FSTL5: variants seen among roughly 807,000 people sequenced by gnomAD.
The protein encoded by FSTL5 is follistatin like 5, also known as follistatin-related protein 5.
Under a neutral mutation model 89.1 loss-of-function variants are expected in FSTL5, and 62 were observed. The observed-to-expected ratio is 0.70, with a 90% CI of 0.57 to 0.86. FSTL5 has a LOEUF of 0.86. Among genes scored for constraint, FSTL5 ranks in the 40% least tolerant of loss-of-function variants. The probability of loss-of-function intolerance (pLI) is 0.00; values close to 1 mark genes in which losing one functional copy is unlikely to be tolerated. For missense variants in FSTL5, 1,057 were observed against 1,001.6 expected (o/e 1.06, Z -0.75); for synonymous variants, 383 against 346.2 (o/e 1.11, Z -1.18).
At chr4:161,744,610 A>G (rs1471473010) in intron 6 of FSTL5, among the ~76,000 whole-genome samples, 1 of 152,112 alleles carries the variant, frequency 6.6e-6, no homozygotes, top group African/African-American at 2.4e-5. Flanking sequence ...CTAACTAGCT[A>G]AAGTCTCTAA....
chr4:161,401,750 A>G (rs769399934), intron 15 of FSTL5, among the ~76,000 whole-genome samples: 4 of 151,984 alleles, frequency 2.6e-5, no homozygotes, highest in Non-Finnish European at 2.9e-5. Flanking sequence ...GATGGTCTCC[A>G]TCTCCTGACC....
intron 15 of FSTL5, among the ~76,000 whole-genome samples, chr4:161,448,713 G>A (rs1286124178): frequency 6.6e-6 from 1 of 152,036 alleles, no homozygotes; most frequent in African/African-American, 2.4e-5. Flanking sequence ...GGCTATGCAG[G>A]GATTACTGCT....
At chr4:161,763,852 T>A (rs1411274293) in intron 5 of FSTL5, among the ~76,000 whole-genome samples, 2 of 152,114 alleles carry the variant, frequency 1.3e-5, no homozygotes, top group African/African-American at 4.8e-5. Flanking sequence ...GTGAGAAGAA[T>A]GTACATTTCC....
intron 2 of FSTL5, among the ~76,000 whole-genome samples, chr4:162,036,657 TA>T (rs1018681247): frequency 2.0e-5 from 3 of 151,902 alleles, no homozygotes; most frequent in Non-Finnish European, 4.4e-5. Context: ...GATGGAAGCA[TA>T]AAAAAATTAC....
Position 161,656,410 on chromosome 4 carries a change from G to A in FSTL5, c.812C>T (p.Ala271Val), listed in dbSNP as rs2126682318. The change falls in exon 7 of 16, where the codon GCC (alanine) becomes GTC (valine). Residue 271 changes from alanine to valine, a missense_variant. Transcript: ENST00000306100. ...GGGAGGTCTCAGGGTTCCTTGAATG[G>A]CACAGCTCAGAACAGCACTTTGTCC... ...TVGQSAVLSC[A>V]IQGTLRPPII... 6.2e-7 allele frequency: 1 copy of A among 1,610,380 alleles called. No individual in the cohort carries two copies. The highest frequency in any genetic ancestry group is 1.3e-5 in the African/African-American group (1 of 74,866).
At chr4:162,075,199 C>G (rs1729788433) in intron 2 of FSTL5, among the ~76,000 whole-genome samples, 1 of 151,784 alleles carries the variant, frequency 6.6e-6, no homozygotes, top group Non-Finnish European at 1.5e-5. Flanking sequence ...TCTCAACCTC[C>G]TGATTTCTCA....
At chr4:161,615,442 C>G (rs897940622) in intron 7 of FSTL5, among the ~76,000 whole-genome samples, 1 of 112,732 alleles carries the variant, frequency 8.9e-6, no homozygotes, top group Non-Finnish European at 1.8e-5. Flanking sequence ...GAGACTCCAT[C>G]TCAAAAAAAA....
intron 7 of FSTL5, among the ~76,000 whole-genome samples, chr4:161,642,940 A>T (rs1390809383): frequency 6.6e-6 from 1 of 152,188 alleles, no homozygotes; most frequent in African/African-American, 2.4e-5. Flanking sequence ...AAAATGATGA[A>T]GTGGTAAATT....
At chr4:161,624,706 A>G (rs971480749) in intron 7 of FSTL5, among the ~76,000 whole-genome samples, 1 of 152,108 alleles carries the variant, frequency 6.6e-6, no homozygotes, top group African/African-American at 2.4e-5. Context: ...CCACTCTGCA[A>G]TAAGTTAAGC....
At chr4:162,099,454 T>G (rs1293202066) in intron 2 of FSTL5, among the ~76,000 whole-genome samples, 1 of 152,130 alleles carries the variant, frequency 6.6e-6, no homozygotes, top group Non-Finnish European at 1.5e-5. Flanking sequence ...CACAATAAAT[T>G]TATGATCCAC....
chr4:161,699,976 G>C (rs985117263), intron 6 of FSTL5, among the ~76,000 whole-genome samples: 8 of 152,124 alleles, frequency 5.3e-5, no homozygotes, highest in African/African-American at 1.9e-4. Context: ...AAGTGTTCCA[G>C]TTCTTAAATT....
intron 5 of FSTL5, among the ~76,000 whole-genome samples, chr4:161,768,525 A>G (rs1048582991): frequency 3.9e-5 from 6 of 152,022 alleles, no homozygotes; most frequent in African/African-American, 1.4e-4. Context: ...TATATTCTAT[A>G]CAGAATACAA....
intron 10 of FSTL5, among the ~76,000 whole-genome samples, chr4:161,522,905 G>A (rs983944205): frequency 3.3e-5 from 5 of 151,264 alleles, no homozygotes; most frequent in Admixed American, 6.6e-5. Context: ...CTAGAATATT[G>A]TGCTATTATT....
At chr4:161,521,485 A>G (rs748067264) in intron 10 of FSTL5, among the ~76,000 whole-genome samples, 1 of 152,094 alleles carries the variant, frequency 6.6e-6, no homozygotes, top group Non-Finnish European at 1.5e-5. Flanking sequence ...GAGAACCACA[A>G]TTTTTCTCCT....
chr4:161,911,501 T>G (rs1302219273), intron 4 of FSTL5, among the ~76,000 whole-genome samples: 2 of 152,118 alleles, frequency 1.3e-5, no homozygotes, highest in Non-Finnish European at 2.9e-5. Context: ...TGTTCAGATT[T>G]CAGGGGGTCT....
At chr4:162,133,574 T>C (rs1363207866) in intron 1 of FSTL5, among the ~76,000 whole-genome samples, 1 of 152,202 alleles carries the variant, frequency 6.6e-6, no homozygotes. Context: ...TAAATACTGG[T>C]AACATTCAGA....
At chr4:162,028,510 G>T (rs2111181900) in intron 3 of FSTL5, among the ~76,000 whole-genome samples, 1 of 152,284 alleles carries the variant, frequency 6.6e-6, no homozygotes, top group African/African-American at 2.4e-5. Context: ...CCAGGAGGCG[G>T]AGGTTGCAGT....
chr4:161,397,686 T>G (rs1203144189), intron 15 of FSTL5, among the ~76,000 whole-genome samples: 1 of 151,470 alleles, frequency 6.6e-6, no homozygotes, highest in Non-Finnish European at 1.5e-5. Context: ...AAAAGTCATA[T>G]AAGTTAAAAG....
chr4:162,012,613 T>A (rs1736800686), intron 3 of FSTL5, among the ~76,000 whole-genome samples: 1 of 152,168 alleles, frequency 6.6e-6, no homozygotes, highest in Non-Finnish European at 1.5e-5. Context: ...CCCTGCCAAA[T>A]GATTTTTGGT....
Sources: allele counts gnomAD v4.1 joint callset (sites outside exome capture counted in the v4.1 genomes callset), GRCh38; gene constraint gnomAD v4.1.1; transcripts MANE v1.5; gene names NCBI Gene and HGNC (gene_info 2026-07-23, HGNC 2026-07-21).